Variants in OPRM1 observed in about 807,000 individuals in gnomAD.
OPRM1 encodes the protein opioid receptor mu 1.
OPRM1 carries 27 observed loss-of-function variants against 31.8 expected under a neutral mutation model. The observed-to-expected ratio is 0.85, with a 90% CI of 0.63 to 1.17. The LOEUF (loss-of-function observed/expected upper bound fraction) is 1.17, where lower values mean the gene tolerates loss of function less well. Among genes scored for constraint, OPRM1 ranks in the 50% most tolerant of loss-of-function variants. OPRM1 has a pLI of 0.00. For synonymous variants in OPRM1, 196 were observed against 189.9 expected, an observed-to-expected ratio of 1.03 and a Z score of -0.26; for missense variants, 536 against 511.1, an observed-to-expected ratio of 1.05 and a Z score of -0.47.
At chr6:154,155,989 A>C (rs1241431395) in intron 3 of OPRM1, 1 of 152,252 alleles carries the variant, frequency 6.6e-6, no homozygotes, top group African/African-American at 2.4e-5. Flanking sequence ...AAGAAGGTCA[A>C]AGGACCAACC....
At chr6:154,177,932 A>G (rs1270585739) in intron 3 of OPRM1, among the ~76,000 whole-genome samples, 1 of 152,238 alleles carries the variant, frequency 6.6e-6, no homozygotes, top group Non-Finnish European at 1.5e-5. Flanking sequence ...AATGTGTCAC[A>G]TATACACCAT....
chr6:154,135,943 G>A (rs924251574), downstream of OPRM1, among the ~76,000 whole-genome samples: 9 of 152,310 alleles, frequency 5.9e-5, no homozygotes, highest in Admixed American at 1.3e-4. Context: ...AAGAAGCATC[G>A]TAGGGAATAT....
rs1012277731 is a variant in OPRM1 at position 154,119,867 on chromosome 6, A to G, written c.*1146A>G. Reference sequence around the variant, plus strand: ...TTTTCCTGAAGATTGTGTTTATATAATGTCATCACCAATATTTTGGTCTTT... The same window carrying G: ...TTTTCCTGAAGATTGTGTTTATATAGTGTCATCACCAATATTTTGGTCTTT... On this transcript the variant is annotated 3_prime_UTR_variant, in exon 4 of 4. Coordinates refer to ENST00000330432, the MANE Select transcript of OPRM1 (RefSeq NM_000914.5). Among the ~76,000 whole-genome samples the G allele has an allele frequency of 2.0e-5, 3 of 152,242 alleles. No individual in the cohort carries two copies. The highest frequency in any genetic ancestry group is 7.2e-5 in the African/African-American group (3 of 41,472).
intron 1 of OPRM1, among the ~76,000 whole-genome samples, chr6:154,041,811 T>C (rs540142936): frequency 2.0e-5 from 3 of 152,332 alleles, no homozygotes; most frequent in African/African-American, 4.8e-5. Flanking sequence ...AATCCTGCCA[T>C]CTGAAACATA....
In OPRM1 at chr6:154,100,191, ATCATAATATATAT is replaced by A. The variant is rs1454468764; in HGVS notation, c.1164+8721_1164+8733del. Among the ~76,000 whole-genome samples the A allele has an allele frequency of 3.5e-4, 45 of 128,218 alleles. 4 individuals are homozygous for A. Among genetic ancestry groups the A allele is most frequent in the African/African-American group, 7.2e-4 (25 of 34,654 alleles). 84.1% of individuals were successfully genotyped at this position (128,218 alleles called of 152,430 possible). A position where few individuals can be genotyped will look rare whatever the true frequency, so the allele number is the denominator to read the frequency against. On this transcript the variant is annotated intron_variant, in intron 3 of 3. Transcript: ENST00000330432. Reference sequence around the variant, plus strand: ...AATATATATTATCATATTATGACATATCATAATATATATTATCATATTATGACATATCGTAATA... The same window carrying A: ...AATATATATTATCATATTATGACATATATCATATTATGACATATCGTAATA...
intron 3 of OPRM1, among the ~76,000 whole-genome samples, chr6:154,192,125 C>A (rs1033152715): frequency 1.3e-4 from 20 of 152,238 alleles, no homozygotes; most frequent in African/African-American, 4.1e-4. Flanking sequence ...GGGGTATACA[C>A]CTGGAAGTGG....
At chr6:154,148,881 C>T (rs558297733) in intron 3 of OPRM1, among the ~76,000 whole-genome samples, 1 of 152,350 alleles carries the variant, frequency 6.6e-6, no homozygotes, top group South Asian at 2.1e-4. Flanking sequence ...TCATCTATTA[C>T]TTGACCTCTG....
At chr6:154,217,589 G>A (rs1194429525) in intron 3 of OPRM1, 1 of 152,090 alleles carries the variant, frequency 6.6e-6, no homozygotes, top group African/African-American at 2.4e-5. Context: ...AGTGAGGTGA[G>A]GATATAGGAA....
At chr6:154,146,063 G>T (rs1798350146) in intron 3 of OPRM1, among the ~76,000 whole-genome samples, 1 of 152,212 alleles carries the variant, frequency 6.6e-6, no homozygotes, top group South Asian at 2.1e-4. Context: ...GCAAGTCAGT[G>T]GTTTTACAAA....
At chr6:154,165,921 T>G (rs1799389472) in intron 3 of OPRM1, among the ~76,000 whole-genome samples, 1 of 152,208 alleles carries the variant, frequency 6.6e-6, no homozygotes, top group Non-Finnish European at 1.5e-5. Flanking sequence ...AGAGGGCAAC[T>G]GAGACCCTCA....
intron 3 of OPRM1, among the ~76,000 whole-genome samples, chr6:154,101,993 G>C (rs1012190590): frequency 6.6e-6 from 1 of 152,110 alleles, no homozygotes; most frequent in Admixed American, 6.6e-5. Flanking sequence ...AAGCTGGAGT[G>C]CCGTGGCACC....
chr6:154,224,211 G>A (rs1024995664), intron 3 of OPRM1, among the ~76,000 whole-genome samples: 1 of 152,202 alleles, frequency 6.6e-6, no homozygotes, highest in African/African-American at 2.4e-5. Context: ...TTACAAGTCA[G>A]CTAGCTATTA....
chr6:154,165,186 T>C (rs1799326961), intron 3 of OPRM1, among the ~76,000 whole-genome samples: 1 of 152,008 alleles, frequency 6.6e-6, no homozygotes, highest in Non-Finnish European at 1.5e-5. Flanking sequence ...AATAGAAAAA[T>C]TGTGCTTAAA....
chr6:154,024,798 T>G (rs1778594405), intron 1 of OPRM1, among the ~76,000 whole-genome samples: 1 of 152,008 alleles, frequency 6.6e-6, no homozygotes, highest in African/African-American at 2.4e-5. Context: ...CTTCATTAAC[T>G]CATTGGTCAT....
At position 154,020,654 on chromosome 6, in the gene OPRM1, C is replaced by T. The variant is rs747146829; in HGVS notation, c.-1+9636C>T. ...GGCACTGTGAACAGCTCTACCATCA[C>T]GCATTCCCACCAGCAATGAATGAGA... On this transcript the variant is annotated intron_variant, in intron 1 of 5. Transcript: ENST00000434900. 1.4e-4 allele frequency among the ~76,000 whole-genome samples: 21 copies of T among 152,186 alleles called. 1 individual carries two copies. The South Asian group carries it at 1.4e-3, about 11-fold the overall frequency.
chr6:154,101,931 TA>T (rs1271451497), intron 3 of OPRM1, among the ~76,000 whole-genome samples: 1 of 152,198 alleles, frequency 6.6e-6, no homozygotes, highest in African/African-American at 2.4e-5. Flanking sequence ...GATAAAATCC[TA>T]AAAAATTATT....
chr6:154,241,690 T>C (rs1780607022), intron 3 of OPRM1, among the ~76,000 whole-genome samples: 1 of 152,196 alleles, frequency 6.6e-6, no homozygotes, highest in Admixed American at 6.6e-5. Context: ...CTGCATTTTC[T>C]CACCATCTCC....
In OPRM1 at chr6:154,075,263, A is replaced by G. The variant is rs372112370; in HGVS notation, c.291-14563A>G. 2.4e-4 allele frequency among the ~76,000 whole-genome samples: 37 copies of G among 152,312 alleles called. No homozygotes were observed. In the East Asian group the frequency reaches 6.4e-3, roughly 26 times the overall value. On this transcript the variant is annotated intron_variant, in intron 1 of 3. Transcript: ENST00000330432. ...TACATCCTCAACTTACACTAGAAAC[A>G]TGCTTTTTAGAGACATTGAAGTAAA...
chr6:154,078,858 A>G (rs1788438389), intron 1 of OPRM1, among the ~76,000 whole-genome samples: 1 of 151,856 alleles, frequency 6.6e-6, no homozygotes, highest in Non-Finnish European at 1.5e-5. Flanking sequence ...AGCCTGGGCG[A>G]CAGAGCCAGA....
Sources: allele counts gnomAD v4.1 joint callset (sites outside exome capture counted in the v4.1 genomes callset), GRCh38; gene constraint gnomAD v4.1.1; transcripts MANE v1.5; gene names NCBI Gene and HGNC (gene_info 2026-07-23, HGNC 2026-07-21).